Variants in CCDC33 observed in about 807,000 individuals in gnomAD.
CCDC33 encodes coiled-coil domain containing 33.
CCDC33 carries 94 observed loss-of-function variants against 91.9 expected under a neutral mutation model. The observed-to-expected ratio is 1.02, with a 90% CI of 0.87 to 1.21. The LOEUF is 1.21. Ranked by LOEUF, CCDC33 falls within the 50% of genes most tolerant of loss-of-function variation. CCDC33 has a pLI of 0.00. For synonymous variants in CCDC33, 396 were observed against 374.5 expected (o/e 1.06, Z -0.66); for missense variants, 940 against 935.5 (o/e 1.00, Z -0.06).
At chr15:74,207,616 G>T (rs998508426) in intron 1 of CCDC33, 1 of 1,336,468 alleles carries the variant, frequency 7.5e-7, no homozygotes, top group Non-Finnish European at 1.0e-6. Context: ...CAAACCTCAG[G>T]TACACCCCCA....
chr15:74,238,409 C>CAA (rs557444250), intron 1 of CCDC33, among the ~76,000 whole-genome samples: 4 of 66,658 alleles, frequency 6.0e-5, no homozygotes, highest in Admixed American at 1.7e-4. Context: ...AACTCCATCT[C>CAA]AAAAAAAAAA....
intron 12 of CCDC33, 108 bp downstream of exon 12, chr15:74,330,462 A>G (rs2060407308): frequency 7.6e-7 from 1 of 1,312,944 alleles, no homozygotes; most frequent in Admixed American, 2.5e-5. Flanking sequence ...ATGCTGCTGG[A>G]CTCTGGCAAA....
At chr15:74,254,843 G>T (rs568712619) in intron 2 of CCDC33, among the ~76,000 whole-genome samples, 23 of 151,618 alleles carry the variant, frequency 1.5e-4, no homozygotes, top group African/African-American at 5.3e-4. Flanking sequence ...CACCTCTGGG[G>T]TTCAAGCAAT....
rs146527065 is a variant in CCDC33 at position 74,258,347 on chromosome 15, G to T, written c.186-4093G>T. 1.6e-3 allele frequency among the ~76,000 whole-genome samples: 237 copies of T among 152,276 alleles called. 2 individuals carry two copies. Among genetic ancestry groups the T allele is most frequent in the African/African-American group, 5.5e-3 (228 of 41,568 alleles). On this transcript the variant is annotated intron_variant, in intron 2 of 18. Transcript: ENST00000398814. Reference sequence around the variant, plus strand: ...CTCCCCTTTCCTTTGCTCTCTTGGTGGCTGTCCTGGGATTGGCACTCAAAA... The same window carrying T: ...CTCCCCTTTCCTTTGCTCTCTTGGTTGCTGTCCTGGGATTGGCACTCAAAA...
intron 11 of CCDC33, among the ~76,000 whole-genome samples, chr15:74,326,913 T>G (rs538443390): frequency 6.6e-6 from 1 of 152,216 alleles, no homozygotes; most frequent in East Asian, 1.9e-4. Flanking sequence ...CCCTGGGGGT[T>G]GGGGAGGCCC....
At chr15:74,273,876 G>C (rs2076385755) in intron 7 of CCDC33, among the ~76,000 whole-genome samples, 1 of 140,470 alleles carries the variant, frequency 7.1e-6, no homozygotes. Flanking sequence ...TGTTGCCCAG[G>C]CTGGAGTGCA....
chr15:74,260,591 G>A (rs2075996134), intron 2 of CCDC33, among the ~76,000 whole-genome samples: 1 of 152,176 alleles, frequency 6.6e-6, no homozygotes. Context: ...TCTCAGGGCG[G>A]TACTATTGAA....
chr15:74,255,603 G>C (rs2075837149), intron 2 of CCDC33, among the ~76,000 whole-genome samples: 1 of 152,254 alleles, frequency 6.6e-6, no homozygotes, highest in East Asian at 1.9e-4. Context: ...TGGGGCCTAG[G>C]GACTAGCCGG....
chr15:74,262,672 G>A, intron 3 of CCDC33, 99 bp downstream of exon 3: 2 of 1,363,368 alleles, frequency 1.5e-6, no homozygotes. Context: ...GCAGCTGGTA[G>A]CCACCTGAAC....
intron 2 of CCDC33, chr15:74,209,715 CT>C (rs2074341687): frequency 2.2e-6 from 1 of 451,692 alleles, no homozygotes; most frequent in Non-Finnish European, 3.9e-6. Flanking sequence ...CAGGCTCTCC[CT>C]ACCCCTCCCT....
intron 2 of CCDC33, among the ~76,000 whole-genome samples, chr15:74,223,752 ACACACACACACACGCAAGCATG>A (rs2074689584): frequency 9.6e-6 from 1 of 103,676 alleles, no homozygotes; most frequent in African/African-American, 3.8e-5. Context: ...ACACACACAC[ACACACACACACACGCAAGCATG>A]CACACACACA....
chr15:74,238,409 CAAAAAA>C (rs557444250), intron 1 of CCDC33, among the ~76,000 whole-genome samples: 1 of 66,662 alleles, frequency 1.5e-5, no homozygotes, highest in Admixed American at 1.7e-4. Flanking sequence ...AACTCCATCT[CAAAAAA>C]AAAAAAAAAA....
chr15:74,331,604 G>C (rs1057424722), intron 15 of CCDC33, among the ~76,000 whole-genome samples: 2 of 152,252 alleles, frequency 1.3e-5, no homozygotes, highest in Non-Finnish European at 2.9e-5. Context: ...AGCAGAGAGG[G>C]CCTTCCCCTG....
chr15:74,226,511 T>G (rs2074801986), intron 2 of CCDC33, among the ~76,000 whole-genome samples: 1 of 152,070 alleles, frequency 6.6e-6, no homozygotes, highest in African/African-American at 2.4e-5. Context: ...GGGGTGGGAT[T>G]CCAGCAGAGA....
At chr15:74,281,679 C>T (rs995169397) in intron 9 of CCDC33, 99 bp from the exon 10 acceptor site, 7 of 1,117,010 alleles carry the variant, frequency 6.3e-6, no homozygotes, top group East Asian at 2.4e-5. Context: ...GGGTGCAGCC[C>T]GCAGGTGACA....
chr15:74,330,703 GAA>G lies in CCDC33; in HGVS notation c.1498_1499del (p.Lys500GlufsTer12). 2 of 1,613,730 alleles carry G rather than the reference GAA, an allele frequency of 1.2e-6. No individual in the cohort carries two copies. Among genetic ancestry groups the G allele is most frequent in the Non-Finnish European group, 1.7e-6 (2 of 1,180,016 alleles). ...QKLLLSELDMKKLRDRVQHLQ... is the reference protein window; with the variant it reads ...QKLLLSELDMXKLRDRVQHLQ... ...AACTGCTGCTGAGTGAGCTGGATAT[GAA>G]GAAACTGAGGGACAGGGTGCAGCAT... On this transcript the variant is annotated frameshift_variant, in exon 13 of 19. Coordinates refer to ENST00000398814, the MANE Select transcript of CCDC33 (RefSeq NM_025055.5). LOFTEE classifies it high-confidence loss of function.
intron 7 of CCDC33, among the ~76,000 whole-genome samples, chr15:74,276,757 A>G (rs565887983): frequency 6.6e-6 from 1 of 152,034 alleles, no homozygotes; most frequent in Admixed American, 6.5e-5. Context: ...CTCCACACCC[A>G]CACTGCCCCT....
intron 1 of CCDC33, chr15:74,243,783 A>G (rs2075424156): frequency 3.2e-6 from 2 of 629,956 alleles, no homozygotes; most frequent in African/African-American, 1.8e-5. Context: ...CGTCTCTACT[A>G]AAAATACAAA....
intron 2 of CCDC33, among the ~76,000 whole-genome samples, chr15:74,229,845 G>A (rs924046181): frequency 1.1e-4 from 16 of 152,354 alleles, no homozygotes; most frequent in African/African-American, 2.6e-4. Flanking sequence ...CATGGTCCCC[G>A]CCCTTGGGGA....
Sources: gnomAD v4.1 joint callset for allele counts (sites outside exome capture counted in the v4.1 genomes callset) on GRCh38, gnomAD v4.1.1 for gene constraint, MANE v1.5 for transcripts, NCBI Gene and HGNC (gene_info 2026-07-23, HGNC 2026-07-21) for gene names.